The following ARSB variants were observed in gnomAD, a reference collection of about 807,000 sequenced individuals.
ARSB encodes the protein N-acetylgalactosamine-4-sulfatase.
ARSB carries 41 observed loss-of-function variants against 50.9 expected under a neutral mutation model. The ratio of observed to expected loss-of-function variants is 0.81; its 90% confidence interval spans 0.63 to 1.04. The LOEUF (loss-of-function observed/expected upper bound fraction) is 1.04. Among genes scored for constraint, ARSB ranks in the 50% least tolerant of loss-of-function variants. The pLI, the probability that ARSB is intolerant of heterozygous loss-of-function variation, is 0.00. For missense variants in ARSB, 672 were observed against 693.3 expected (o/e 0.97, Z 0.35); for synonymous variants, 269 against 284.8 (o/e 0.94, Z 0.56).
chr5:78,896,242 C>T (rs73769407), intron 4 of ARSB, among the ~76,000 whole-genome samples: 5,520 of 152,214 alleles, frequency 0.036, 328 homozygotes, highest in African/African-American at 0.12. Flanking sequence ...GAGGTCGCAG[C>T]ATGATCTAGA....
At chr5:78,786,837 C>A (rs1204029224) in intron 6 of ARSB, among the ~76,000 whole-genome samples, 1 of 152,116 alleles carries the variant, frequency 6.6e-6, no homozygotes, top group Non-Finnish European at 1.5e-5. Context: ...TGTCTTCTGG[C>A]CTCAAGCAAT....
At chr5:78,974,569 C>T (rs1247708939) in intron 1 of ARSB, among the ~76,000 whole-genome samples, 1 of 152,176 alleles carries the variant, frequency 6.6e-6, no homozygotes, top group Non-Finnish European at 1.5e-5. Flanking sequence ...CAGAGAGCAA[C>T]AGCTTATGCT....
chr5:78,891,718 A>T (rs1000459908), intron 4 of ARSB, among the ~76,000 whole-genome samples: 1 of 152,200 alleles, frequency 6.6e-6, no homozygotes, highest in African/African-American at 2.4e-5. Context: ...GCAATCGCAC[A>T]TTAGAGACTA....
chr5:78,790,736 T>C (rs1749213632), intron 6 of ARSB, among the ~76,000 whole-genome samples: 1 of 152,196 alleles, frequency 6.6e-6, no homozygotes, highest in African/African-American at 2.4e-5. Flanking sequence ...TAGTTTCATT[T>C]TCTTTTACAA....
intron 4 of ARSB, among the ~76,000 whole-genome samples, chr5:78,943,762 T>G (rs541641756): frequency 6.6e-6 from 1 of 152,144 alleles, no homozygotes; most frequent in Non-Finnish European, 1.5e-5. Flanking sequence ...TGTCTTGGAG[T>G]TGCTCTTCTC....
chr5:78,846,669 T>G (rs2112019123), intron 5 of ARSB, among the ~76,000 whole-genome samples: 2 of 152,312 alleles, frequency 1.3e-5, no homozygotes, highest in Admixed American at 1.3e-4. Flanking sequence ...TAGGGTTTTC[T>G]GTATATATGA....
chr5:78,896,343 C>T (rs1261567052), intron 4 of ARSB, among the ~76,000 whole-genome samples: 1 of 152,056 alleles, frequency 6.6e-6, no homozygotes, highest in Admixed American at 6.5e-5. Flanking sequence ...CCTTCAGCTC[C>T]AACGCACTGG....
chr5:78,919,468 T>TATTTATTC (rs1287119796), intron 4 of ARSB, among the ~76,000 whole-genome samples: 1 of 152,146 alleles, frequency 6.6e-6, no homozygotes, highest in Non-Finnish European at 1.5e-5. Flanking sequence ...GAGAGTTACT[T>TATTTATTC]ATTTATTCAT....
chr5:78,850,179 T>TATG (rs1362811124), intron 5 of ARSB, among the ~76,000 whole-genome samples: 9 of 151,288 alleles, frequency 5.9e-5, no homozygotes, highest in Non-Finnish European at 7.4e-5. Context: ...GCCCATTCAG[T>TATG]ATATTGGCTG....
chr5:78,848,279 C>T (rs1241541341), intron 5 of ARSB, among the ~76,000 whole-genome samples: 3 of 114,890 alleles, frequency 2.6e-5, no homozygotes, highest in African/African-American at 1.0e-4. Flanking sequence ...CATGAGTTCT[C>T]ATTGTTCAAT....
intron 5 of ARSB, among the ~76,000 whole-genome samples, chr5:78,850,527 G>T (rs1192905287): frequency 2.6e-5 from 4 of 151,776 alleles, no homozygotes; most frequent in Non-Finnish European, 5.9e-5. Context: ...TCTCTTTTTT[G>T]GTTGTGTCTC....
intron 6 of ARSB, among the ~76,000 whole-genome samples, chr5:78,823,741 G>T (rs1163122241): frequency 6.6e-6 from 1 of 152,126 alleles, no homozygotes; most frequent in African/African-American, 2.4e-5. Flanking sequence ...TGTCTTGCTG[G>T]CTTGAATATA....
chr5:78,809,671 G>A (rs867394128), intron 6 of ARSB, among the ~76,000 whole-genome samples: 2 of 152,234 alleles, frequency 1.3e-5, no homozygotes, highest in African/African-American at 2.4e-5. Flanking sequence ...AGGCAGAGAC[G>A]ACTCTGCAGC....
In ARSB at chr5:78,927,578, C is replaced by A. The variant is rs1197945160; in HGVS notation, c.898+27717G>T. Among the ~76,000 whole-genome samples the A allele has an allele frequency of 3.3e-5, 5 of 152,260 alleles. No individual in the cohort carries two copies. The East Asian group carries it at 9.6e-4, about 29-fold the overall frequency. ...AAATCTTAGGTCAATCCAACACACA[C>A]CGGAAAGAATAGAAGTCAAAACAGA... On this transcript the variant is annotated intron_variant, in intron 4 of 7. Transcript: ENST00000264914.
chr5:78,851,188 T>C lies in ARSB; in HGVS notation c.1143-11762A>G, dbSNP rs554876133. On this transcript the variant is annotated intron_variant, in intron 5 of 7. Coordinates refer to ENST00000264914, the MANE Select transcript of ARSB (RefSeq NM_000046.5). ...TTTGGATCTTTCCTGCTTTCTCTTG[T>C]GGGCATTCAGTGCTATAAATTTCCC... Among the ~76,000 whole-genome samples the C allele has an allele frequency of 2.2e-4, 33 of 152,338 alleles. No individual in the cohort carries two copies. In the South Asian group the frequency reaches 5.6e-3, roughly 26 times the overall value.
chr5:78,932,919 A>G (rs1332343640), intron 4 of ARSB, among the ~76,000 whole-genome samples: 1 of 152,184 alleles, frequency 6.6e-6, no homozygotes, highest in Non-Finnish European at 1.5e-5. Context: ...TCCTCTGTGA[A>G]GTCTTCTCAC....
chr5:78,905,220 C>T (rs527929053), intron 4 of ARSB, among the ~76,000 whole-genome samples: 7 of 152,220 alleles, frequency 4.6e-5, no homozygotes, highest in African/African-American at 1.7e-4. Flanking sequence ...AGAATGGTTA[C>T]AATAGCTGCA....
intron 6 of ARSB, among the ~76,000 whole-genome samples, chr5:78,792,145 G>A (rs577254797): frequency 2.6e-4 from 40 of 152,310 alleles, no homozygotes; most frequent in African/African-American, 9.6e-4. Context: ...TTGGGAGGCT[G>A]AGGCGGGCAG....
rs1312155420 is a variant in ARSB at position 78,781,891 on chromosome 5, T to C, written c.1297A>G (p.Ile433Val). 1.9e-6 allele frequency: 3 copies of C among 1,613,980 alleles called. No homozygotes were observed. The highest frequency in any genetic ancestry group is 1.1e-5 in the South Asian group (1 of 91,080). Residue 433 changes from isoleucine (I) to valine (V), a missense_variant, in exon 7 of 8, where the codon ATT (isoleucine) becomes GTT (valine). Coordinates refer to ENST00000264914, the MANE Select transcript of ARSB (RefSeq NM_000046.5). Reference sequence around the variant, plus strand: ...AGGAGTTTCCAATTTCCATGTCTAATTGCAGCATGGACAGATGTGTTAAAG... The same window carrying C: ...AGGAGTTTCCAATTTCCATGTCTAACTGCAGCATGGACAGATGTGTTAAAG... Reference protein sequence around the residue: ...SAFNTSVHAAIRHGNWKLLTG... With the variant: ...SAFNTSVHAAVRHGNWKLLTG...
Sources: allele counts gnomAD v4.1 joint callset (sites outside exome capture counted in the v4.1 genomes callset), GRCh38; gene constraint gnomAD v4.1.1; transcripts MANE v1.5; gene names NCBI Gene and HGNC (gene_info 2026-07-23, HGNC 2026-07-21).